The following DOK7 variants were observed in gnomAD, a reference collection of about 807,000 sequenced individuals.
DOK7 encodes the protein protein Dok-7.
DOK7 carries 32 observed loss-of-function variants against 30.7 expected under a neutral mutation model. That is an observed-to-expected ratio of 1.04 (90% CI 0.79 to 1.40). The LOEUF (loss-of-function observed/expected upper bound fraction) is 1.40, where lower values mean the gene tolerates loss of function less well. Among genes scored for constraint, DOK7 ranks in the 40% most tolerant of loss-of-function variants. DOK7 has a pLI of 0.00. For missense variants in DOK7, 1,007 were observed against 699.2 expected (o/e 1.44, Z -4.97); for synonymous variants, 447 against 324.1 (o/e 1.38, Z -4.07).
intron 2 of DOK7, among the ~76,000 whole-genome samples, chr4:3,470,413 G>A (rs1008337522): frequency 1.3e-5 from 2 of 152,350 alleles, no homozygotes; most frequent in South Asian, 2.1e-4. Flanking sequence ...ATTTTCAGGC[G>A]TTCCCAAGGT....
intron 2 of DOK7, 113 bp from the exon 3 acceptor site, chr4:3,473,293 C>A: frequency 9.7e-7 from 1 of 1,029,828 alleles, no homozygotes; most frequent in South Asian, 1.4e-5. Flanking sequence ...GAGTGGCTGG[C>A]TTGAGGTCAT....
chr4:3,469,057 T>C (rs1726569016), intron 2 of DOK7, among the ~76,000 whole-genome samples: 1 of 113,332 alleles, frequency 8.8e-6, no homozygotes, highest in Admixed American at 9.1e-5. Flanking sequence ...TGTCTGTGTG[T>C]GCATTAGTGT....
At chr4:3,465,866 G>A (rs1468656526) in intron 2 of DOK7, among the ~76,000 whole-genome samples, 2 of 152,216 alleles carry the variant, frequency 1.3e-5, no homozygotes, top group Admixed American at 6.5e-5. Flanking sequence ...TGTGGCCCAG[G>A]ACTCACTGCT....
intron 2 of DOK7, among the ~76,000 whole-genome samples, chr4:3,468,538 GTA>G (rs1491120888): frequency 1.2e-3 from 121 of 103,038 alleles, no homozygotes; most frequent in African/African-American, 5.4e-3. Context: ...GACTGTGAGT[GTA>G]TGTGTGTGTG....
At chr4:3,495,865 G>C (rs533634940), downstream of DOK7, among the ~76,000 whole-genome samples, 2 of 152,260 alleles carry the variant, frequency 1.3e-5, no homozygotes, top group South Asian at 4.1e-4. Context: ...GTGTCGGCCT[G>C]TTGTCAAAGG....
intron 2 of DOK7, among the ~76,000 whole-genome samples, chr4:3,466,505 G>A (rs998918471): frequency 6.6e-6 from 1 of 152,196 alleles, no homozygotes; most frequent in Non-Finnish European, 1.5e-5. Context: ...TTTCCTGTGC[G>A]TCTGGCTCCT....
chr4:3,496,586 C>G (rs886821133), downstream of DOK7, among the ~76,000 whole-genome samples: 4 of 152,186 alleles, frequency 2.6e-5, no homozygotes, highest in Non-Finnish European at 4.4e-5. Flanking sequence ...GTTATGGGGG[C>G]TACCACCAGG....
chr4:3,497,060 C>T (rs1466882999), downstream of DOK7, among the ~76,000 whole-genome samples: 1 of 149,636 alleles, frequency 6.7e-6, no homozygotes, highest in Non-Finnish European at 1.5e-5. Context: ...TGTTGGGTGA[C>T]AGTTGACAGT....
downstream of DOK7, among the ~76,000 whole-genome samples, chr4:3,497,048 G>A (rs979284108): frequency 1.3e-5 from 2 of 151,988 alleles, no homozygotes; most frequent in Admixed American, 6.5e-5. Context: ...GGTGGCAGTG[G>A]GTGTTGGGTG....
chr4:3,466,768 G>A (rs1156462123), intron 2 of DOK7, among the ~76,000 whole-genome samples: 1 of 152,200 alleles, frequency 6.6e-6, no homozygotes, highest in African/African-American at 2.4e-5. Flanking sequence ...AGAGGTGGGC[G>A]CGAGGGCCTG....
chr4:3,473,220 G>A (rs949068220), intron 2 of DOK7, among the ~76,000 whole-genome samples, 186 bp from the exon 3 acceptor site: 2 of 152,262 alleles, frequency 1.3e-5, no homozygotes, highest in Admixed American at 6.5e-5. Flanking sequence ...GCAGCCTGTG[G>A]GTCTTGCAAG....
At position 3,463,355 on chromosome 4, in the gene DOK7, G is replaced by A. The variant is rs1159123970; in HGVS notation, c.-21G>A. On this transcript the variant is annotated 5_prime_UTR_variant, in exon 1 of 7. Coordinates refer to ENST00000340083, the MANE Select transcript of DOK7 (RefSeq NM_173660.5). ...GCTGGGGCGCCGGGGCGAGCGCGGC[G>A]GCGCGGAACCATGACAGAAGATGAC... The A allele has an allele frequency of 1.4e-6, 2 of 1,457,608 alleles. No homozygotes were observed. Among genetic ancestry groups the A allele is most frequent in the South Asian group, 2.9e-5 (2 of 69,934 alleles). 90.3% of individuals were successfully genotyped at this position (1,457,608 alleles called of 1,614,324 possible).
At chr4:3,484,308 G>A (rs941711677) in intron 4 of DOK7, among the ~76,000 whole-genome samples, 19 of 152,208 alleles carry the variant, frequency 1.2e-4, no homozygotes, top group Non-Finnish European at 2.6e-4. Context: ...GCTGGCCTGA[G>A]TTCCGTGTCC....
In DOK7 at chr4:3,472,110, C is replaced by T. The variant is rs549314276; in HGVS notation, c.101-1296C>T. ...CCCCTTGCAGAGGAAGCTTGCTGAC[C>T]GCTGGCCCCTGTGGTCACACAGACC... On this transcript the variant is annotated intron_variant, in intron 2 of 6. Coordinates refer to ENST00000340083, the MANE Select transcript of DOK7 (RefSeq NM_173660.5). Among the ~76,000 whole-genome samples, 7 of 152,324 alleles carry T rather than the reference C, an allele frequency of 4.6e-5. No individual in the cohort carries two copies. In the South Asian group the frequency reaches 6.2e-4, roughly 14 times the overall value.
Position 3,494,346 on chromosome 4 carries a change from C to T in DOK7, c.*845C>T, listed in dbSNP as rs954591356. The T allele has an allele frequency of 7.4e-5, 73 of 985,662 alleles. No homozygotes were observed. Among genetic ancestry groups the T allele is most frequent in the Non-Finnish European group, 8.3e-5 (69 of 830,196 alleles). The allele number at this position is 985,662 out of a possible 1,614,324, so 61.1% of individuals were successfully genotyped here. ...CATTGTCCCCCGCCCTGGGTGGCTTCCTCTTGCACAGCCTGGAGCCTGCCC... is the reference window on the plus strand; with the variant it reads ...CATTGTCCCCCGCCCTGGGTGGCTTTCTCTTGCACAGCCTGGAGCCTGCCC... On this transcript the variant is annotated 3_prime_UTR_variant, in exon 7 of 7. Coordinates refer to ENST00000340083, the MANE Select transcript of DOK7 (RefSeq NM_173660.5).
intron 2 of DOK7, among the ~76,000 whole-genome samples, chr4:3,469,671 G>T (rs1012915549): frequency 6.6e-6 from 1 of 152,198 alleles, no homozygotes; most frequent in Non-Finnish European, 1.5e-5. Flanking sequence ...AGGGAGAGCC[G>T]CTGCGTCCTG....
intron 6 of DOK7, among the ~76,000 whole-genome samples, chr4:3,491,256 C>T (rs1728400951): frequency 8.1e-6 from 1 of 123,038 alleles, no homozygotes; most frequent in African/African-American, 3.2e-5. Context: ...TCTCCCCTTG[C>T]TCATTCATTC....
At position 3,492,877 on chromosome 4, in the gene DOK7, G is replaced by A. The variant is rs1386024337; in HGVS notation, c.891G>A (p.Glu297=). The change falls in exon 7 of 7, where the codon GAG becomes GAA. Residue 297 remains glutamate (E), a synonymous_variant. Transcript: ENST00000340083. ...QSSSSASTSQ[E]GPRPAAAQAA... ...CGTCGTCAGCCAGCACGTCACAGGA[G>A]GGGCCTAGACCAGCAGCTGCCCAGG... The A allele has an allele frequency of 1.2e-6, 2 of 1,603,590 alleles. No individual in the cohort carries two copies. The highest frequency in any genetic ancestry group is 4.5e-5 in the East Asian group (2 of 44,382).
chr4:3,485,621 C>G lies in DOK7; in HGVS notation c.615C>G (p.Pro205=), dbSNP rs553239093. 24 of 1,606,146 alleles carry G rather than the reference C, an allele frequency of 1.5e-5. No individual in the cohort carries two copies. The Admixed American group carries it at 1.5e-4, about 10-fold the overall frequency. ...ACTGCATCGTCCGAGGCATCTCCCC[C>G]ACCAAGGGCCCCTTTGGGCTGCGGC... The part of the protein sequence containing the change: ...LFDCIVRGIS[P]TKGPFGLRPV... The change falls in exon 5 of 7, where the codon CCC becomes CCG. Residue 205 remains proline (P), a synonymous_variant. Transcript: ENST00000340083.
Sources: allele counts gnomAD v4.1 joint callset (sites outside exome capture counted in the v4.1 genomes callset), GRCh38; gene constraint gnomAD v4.1.1; transcripts MANE v1.5; gene names NCBI Gene and HGNC (gene_info 2026-07-23, HGNC 2026-07-21).